NKAIN2: variants seen among roughly 807,000 people sequenced by gnomAD.
The protein encoded by NKAIN2 is sodium/potassium transporting ATPase interacting 2, also known as sodium/potassium-transporting ATPase subunit beta-1-interacting protein 2.
A neutral mutation model predicts 32.6 loss-of-function variants in NKAIN2; 14 were observed. The ratio of observed to expected loss-of-function variants is 0.43; its 90% confidence interval spans 0.28 to 0.67. The LOEUF (loss-of-function observed/expected upper bound fraction) is 0.67. NKAIN2 is among the 30% of genes least tolerant of loss of function. The pLI is 0.17. For missense variants in NKAIN2, 198 were observed against 258.3 expected (o/e 0.77, Z 1.60); for synonymous variants, 80 against 87.2 (o/e 0.92, Z 0.46).
At chr6:124,630,275 CTCAG>C (rs1783513619) in intron 3 of NKAIN2, among the ~76,000 whole-genome samples, 1 of 151,974 alleles carries the variant, frequency 6.6e-6, no homozygotes. Context: ...TACTAATGTC[CTCAG>C]TCAAAGGAAG....
At chr6:124,070,426 T>C (rs1783398941) in intron 1 of NKAIN2, among the ~76,000 whole-genome samples, 1 of 152,222 alleles carries the variant, frequency 6.6e-6, no homozygotes, top group African/African-American at 2.4e-5. Context: ...CTTCTGCATC[T>C]GGTTATACTT....
At chr6:124,678,111 GTC>G in intron 4 of NKAIN2, among the ~76,000 whole-genome samples, 1 of 152,000 alleles carries the variant, frequency 6.6e-6, no homozygotes. Context: ...TGTATGTGAT[GTC>G]TCTTTTTTCG....
intron 1 of NKAIN2, among the ~76,000 whole-genome samples, chr6:123,884,672 G>A (rs1260179039): frequency 1.3e-5 from 2 of 151,614 alleles, no homozygotes; most frequent in Non-Finnish European, 2.9e-5. Context: ...ATATTTTTTA[G>A]GTTAACAGTT....
chr6:124,356,644 T>G (rs1005059195), intron 3 of NKAIN2, among the ~76,000 whole-genome samples: 7 of 152,088 alleles, frequency 4.6e-5, no homozygotes, highest in Non-Finnish European at 8.8e-5. Flanking sequence ...CCGTGACCAA[T>G]GAAAATAAAT....
At position 124,512,460 on chromosome 6, in the gene NKAIN2, A is replaced by C. The variant is rs1169322931; in HGVS notation, c.274-145726A>C. Among the ~76,000 whole-genome samples, 3 of 152,366 alleles carry C rather than the reference A, an allele frequency of 2.0e-5. No individual in the cohort carries two copies. The East Asian group carries it at 5.8e-4, about 29-fold the overall frequency. On this transcript the variant is annotated intron_variant, in intron 3 of 6. Coordinates refer to ENST00000368417, the MANE Select transcript of NKAIN2 (RefSeq NM_001040214.3). ...CATTTATATTGAATGATACACAGTT[A>C]CTTCAATTATCTGTATTTTAAAGAG...
chr6:124,505,739 A>G (rs867859422), intron 3 of NKAIN2, among the ~76,000 whole-genome samples: 33 of 152,246 alleles, frequency 2.2e-4, no homozygotes, highest in African/African-American at 7.7e-4. Flanking sequence ...ATTTTATTCT[A>G]TTGTCACTCT....
At chr6:123,868,035 A>AT (rs769273007) in intron 1 of NKAIN2, among the ~76,000 whole-genome samples, 1 of 151,754 alleles carries the variant, frequency 6.6e-6, no homozygotes, top group Non-Finnish European at 1.5e-5. Flanking sequence ...CACCCGGCTA[A>AT]TTTTTTGTAT....
chr6:124,242,305 A>C (rs1793148211), intron 1 of NKAIN2, among the ~76,000 whole-genome samples: 1 of 152,208 alleles, frequency 6.6e-6, no homozygotes, highest in South Asian at 2.1e-4. Flanking sequence ...GCTCATCATC[A>C]CTGGTCATTA....
chr6:124,442,552 T>C lies in NKAIN2; in HGVS notation c.273+87205T>C, dbSNP rs556900419. Among the ~76,000 whole-genome samples the C allele has an allele frequency of 3.3e-5, 5 of 152,238 alleles. No individual in the cohort carries two copies. In the South Asian group the frequency reaches 1.0e-3, roughly 32 times the overall value. ...AAGACACCGGCTCCTGCATCTTATT[T>C]GGAACCCCTGGTCTGGCTTATGCCC... On this transcript the variant is annotated intron_variant, in intron 3 of 6. Coordinates refer to ENST00000368417, the MANE Select transcript of NKAIN2 (RefSeq NM_001040214.3).
intron 1 of NKAIN2, among the ~76,000 whole-genome samples, chr6:124,020,305 C>A (rs907894857): frequency 6.6e-6 from 1 of 152,104 alleles, no homozygotes; most frequent in Non-Finnish European, 1.5e-5. Context: ...TGATCAGTAT[C>A]CCTTTCATAT....
At chr6:124,617,987 G>C (rs944490085) in intron 3 of NKAIN2, among the ~76,000 whole-genome samples, 1 of 152,146 alleles carries the variant, frequency 6.6e-6, no homozygotes, top group South Asian at 2.1e-4. Flanking sequence ...TGAAGCAATT[G>C]TTTTTTGCAG....
intron 4 of NKAIN2, among the ~76,000 whole-genome samples, chr6:124,715,699 CT>C (rs1056719259): frequency 1.3e-5 from 2 of 152,218 alleles, no homozygotes; most frequent in East Asian, 1.9e-4. Context: ...TTCCTGCCCC[CT>C]GTCACTGCCT....
chr6:124,630,826 T>C (rs1210158774), intron 3 of NKAIN2, among the ~76,000 whole-genome samples: 1 of 152,144 alleles, frequency 6.6e-6, no homozygotes, highest in Non-Finnish European at 1.5e-5. Context: ...GAAGTAACAA[T>C]GTAGCACCAG....
intron 4 of NKAIN2, among the ~76,000 whole-genome samples, chr6:124,721,468 C>T (rs891704386): frequency 6.6e-6 from 1 of 151,568 alleles, no homozygotes; most frequent in Admixed American, 6.6e-5. Context: ...TCAACAAATT[C>T]ACTTTCTGAT....
At chr6:124,281,818 A>G (rs1382945765) in intron 1 of NKAIN2, among the ~76,000 whole-genome samples, 1 of 152,222 alleles carries the variant, frequency 6.6e-6, no homozygotes, top group East Asian at 1.9e-4. Flanking sequence ...TTTAATTTAA[A>G]AGCACATTGC....
chr6:124,312,736 T>C (rs1021865441), intron 2 of NKAIN2, among the ~76,000 whole-genome samples: 3 of 152,122 alleles, frequency 2.0e-5, no homozygotes, highest in African/African-American at 4.8e-5. Context: ...ATAAATGTGA[T>C]TGGACAAAAG....
intron 1 of NKAIN2, among the ~76,000 whole-genome samples, chr6:124,220,914 C>A (rs1251668765): frequency 6.6e-6 from 1 of 152,042 alleles, no homozygotes; most frequent in Non-Finnish European, 1.5e-5. Flanking sequence ...GATTCAAAAT[C>A]TGGCTGCTCT....
intron 2 of NKAIN2, 75 bp downstream of exon 2, chr6:124,283,217 C>G (rs558553520): frequency 2.0e-6 from 2 of 994,920 alleles, no homozygotes; most frequent in African/African-American, 1.6e-5. Flanking sequence ...GCCTTGAAAA[C>G]TTATGTGTAT....
chr6:123,957,363 G>A (rs1319094210), intron 1 of NKAIN2, among the ~76,000 whole-genome samples: 1 of 152,044 alleles, frequency 6.6e-6, no homozygotes. Context: ...GCAGATGTCT[G>A]GGTCTTTATT....
Sources: allele counts gnomAD v4.1 joint callset (sites outside exome capture counted in the v4.1 genomes callset), GRCh38; gene constraint gnomAD v4.1.1; transcripts MANE v1.5; gene names NCBI Gene and HGNC (gene_info 2026-07-23, HGNC 2026-07-21).